RSU1: variants seen among roughly 807,000 people sequenced by gnomAD.
RSU1 encodes Ras suppressor protein 1.
Under a neutral mutation model 31.1 loss-of-function variants are expected in RSU1, and 26 were observed. The ratio of observed to expected loss-of-function variants is 0.84; its 90% confidence interval spans 0.61 to 1.16. RSU1 has a LOEUF of 1.16. RSU1 is among the 50% of genes most tolerant of loss of function. The pLI is 0.00. For synonymous variants in RSU1, 164 were observed against 136.3 expected (o/e 1.20, Z -1.41); for missense variants, 320 against 339.1 (o/e 0.94, Z 0.44).
chr10:16,722,574 C>G (rs1836288334), intron 7 of RSU1, among the ~76,000 whole-genome samples: 1 of 151,990 alleles, frequency 6.6e-6, no homozygotes. Context: ...GGTGAGAGGT[C>G]TAGCTAGGTT....
chr10:16,703,985 G>A (rs1450469779), intron 7 of RSU1, among the ~76,000 whole-genome samples: 1 of 133,574 alleles, frequency 7.5e-6, no homozygotes, highest in African/African-American at 2.5e-5. Context: ...TAGGTCTTGG[G>A]TGAAGCCCTA....
chr10:16,726,267 C>CT lies in RSU1; in HGVS notation c.598+26271dup, dbSNP rs760586484. On this transcript the variant is annotated intron_variant, in intron 7 of 8. Transcript: ENST00000345264. ...CTTTCTGTCTATCTTAGGAACGTAT[C>CT]TTTTTTTTTTTTTTTTTTTGAGACA... Among the ~76,000 whole-genome samples the CT allele has an allele frequency of 3.1e-3, 431 of 137,064 alleles. 12 individuals carry two copies. Among genetic ancestry groups the CT allele is most frequent in the African/African-American group, 6.1e-3 (207 of 33,794 alleles). 89.9% of individuals were successfully genotyped at this position (137,064 alleles called of 152,430 possible). A position where few individuals can be genotyped will look rare whatever the true frequency, so the allele number is the denominator to read the frequency against.
chr10:16,712,804 C>A (rs891941277), intron 7 of RSU1, among the ~76,000 whole-genome samples: 43 of 152,020 alleles, frequency 2.8e-4, no homozygotes, highest in Non-Finnish European at 4.3e-4. Flanking sequence ...AGTTTTACAC[C>A]TTCACATGTT....
chr10:16,768,884 C>G (rs903809003), intron 3 of RSU1, among the ~76,000 whole-genome samples: 1 of 152,232 alleles, frequency 6.6e-6, no homozygotes, highest in African/African-American at 2.4e-5. Context: ...AGCACCTCCA[C>G]TTTGCTGGAC....
At chr10:16,688,968 C>T (rs937166126) in intron 8 of RSU1, among the ~76,000 whole-genome samples, 2 of 147,984 alleles carry the variant, frequency 1.4e-5, no homozygotes, top group Non-Finnish European at 2.9e-5. Context: ...TCATGGTGCC[C>T]CTGCACTGCA....
intron 8 of RSU1, among the ~76,000 whole-genome samples, chr10:16,630,198 C>T (rs756666960): frequency 2.0e-5 from 3 of 152,040 alleles, no homozygotes; most frequent in Non-Finnish European, 4.4e-5. Flanking sequence ...TGCAAGCCAC[C>T]GCCCTGGCCT....
chr10:16,761,889 T>C (rs1465661664), intron 4 of RSU1, among the ~76,000 whole-genome samples: 1 of 152,054 alleles, frequency 6.6e-6, no homozygotes, highest in African/African-American at 2.4e-5. Context: ...TGCCATTCAC[T>C]CCATCTGAGA....
At chr10:16,701,795 T>G (rs1291328068) in intron 7 of RSU1, among the ~76,000 whole-genome samples, 1 of 147,528 alleles carries the variant, frequency 6.8e-6, no homozygotes, top group African/African-American at 2.5e-5. Flanking sequence ...TCTTGGCCAT[T>G]TGATATCTGT....
intron 8 of RSU1, among the ~76,000 whole-genome samples, chr10:16,599,378 C>T (rs535482404): frequency 6.6e-6 from 1 of 152,216 alleles, no homozygotes; most frequent in Non-Finnish European, 1.5e-5. Flanking sequence ...GCACCACTGT[C>T]CCCTCCTAGA....
intron 2 of RSU1, among the ~76,000 whole-genome samples, chr10:16,815,210 T>A (rs141147563): frequency 1.3e-5 from 2 of 152,350 alleles, no homozygotes; most frequent in Non-Finnish European, 2.9e-5. Flanking sequence ...CCTTACGGAA[T>A]GCAAGAGACC....
At chr10:16,744,131 C>CAA (rs199565122) in intron 7 of RSU1, among the ~76,000 whole-genome samples, 2,811 of 114,914 alleles carry the variant, frequency 0.024, 97 homozygotes, top group African/African-American at 0.08. Flanking sequence ...GACTCTGTCT[C>CAA]AAAAAAAAAA....
intron 7 of RSU1, among the ~76,000 whole-genome samples, chr10:16,716,842 G>C (rs574828983): frequency 6.6e-6 from 1 of 151,078 alleles, no homozygotes; most frequent in East Asian, 1.9e-4. Context: ...TAGGAGACAA[G>C]AGGTCAAACA....
chr10:16,810,927 T>G (rs1588552163), intron 2 of RSU1, among the ~76,000 whole-genome samples: 3 of 151,748 alleles, frequency 2.0e-5, no homozygotes, highest in Admixed American at 2.0e-4. Flanking sequence ...GAGGCTGAGG[T>G]GGGAGGATCA....
intron 4 of RSU1, among the ~76,000 whole-genome samples, chr10:16,757,736 A>C (rs780638): frequency 1.3e-5 from 2 of 152,320 alleles, no homozygotes; most frequent in South Asian, 4.1e-4. Flanking sequence ...AAGCTGCTCC[A>C]GACCCTTGGG....
intron 7 of RSU1, among the ~76,000 whole-genome samples, chr10:16,733,372 G>C (rs1292607119): frequency 6.6e-6 from 1 of 151,266 alleles, no homozygotes; most frequent in African/African-American, 2.4e-5. Flanking sequence ...GCCAAGCGTG[G>C]TGGCAGGTGC....
intron 8 of RSU1, among the ~76,000 whole-genome samples, chr10:16,612,135 G>T (rs1046462988): frequency 5.3e-5 from 8 of 152,188 alleles, no homozygotes; most frequent in African/African-American, 1.9e-4. Flanking sequence ...CAGAACTGGG[G>T]TTGTCCATTC....
intron 7 of RSU1, among the ~76,000 whole-genome samples, chr10:16,738,740 T>C (rs1836688349): frequency 1.3e-5 from 2 of 152,188 alleles, no homozygotes; most frequent in Admixed American, 1.3e-4. Flanking sequence ...TATGCAGAAC[T>C]TGCAGGTTTG....
chr10:16,659,127 T>C (rs769134959), intron 8 of RSU1, among the ~76,000 whole-genome samples: 5 of 152,212 alleles, frequency 3.3e-5, no homozygotes, highest in African/African-American at 4.8e-5. Flanking sequence ...CAGCAATGTG[T>C]GTGTTGCAGA....
At chr10:16,628,647 T>C (rs553902804) in intron 8 of RSU1, among the ~76,000 whole-genome samples, 2 of 152,356 alleles carry the variant, frequency 1.3e-5, no homozygotes, top group East Asian at 1.9e-4. Context: ...ATAATTGTTT[T>C]ATATGACACA....
Sources: gnomAD v4.1 joint callset for allele counts (sites outside exome capture counted in the v4.1 genomes callset) on GRCh38, gnomAD v4.1.1 for gene constraint, MANE v1.5 for transcripts, NCBI Gene and HGNC (gene_info 2026-07-23, HGNC 2026-07-21) for gene names.